XRRA1: variants seen among roughly 807,000 people sequenced by gnomAD.
XRRA1 encodes X-ray radiation resistance associated 1.
In XRRA1, 69 loss-of-function variants were observed where a neutral mutation model predicts 80.2. The ratio of observed to expected loss-of-function variants is 0.86; its 90% CI spans 0.71 to 1.05. The LOEUF (loss-of-function observed/expected upper bound fraction) is 1.05, where lower values mean the gene tolerates loss of function less well. Among genes scored for constraint, XRRA1 ranks in the 50% least tolerant of loss-of-function variants. The pLI is 0.00. For missense variants in XRRA1, 967 were observed against 976.4 expected, an observed-to-expected ratio of 0.99 and a Z score of 0.13; for synonymous variants, 348 against 389.9, an observed-to-expected ratio of 0.89 and a Z score of 1.27.
chr11:74,896,764 A>G (rs964500352), intron 10 of XRRA1, among the ~76,000 whole-genome samples: 1 of 152,220 alleles, frequency 6.6e-6, no homozygotes, highest in Non-Finnish European at 1.5e-5. Flanking sequence ...AAGTAAGGGA[A>G]AAGAACAAGA....
intron 8 of XRRA1, among the ~76,000 whole-genome samples, chr11:74,918,436 A>C (rs542269178): frequency 6.6e-6 from 1 of 152,210 alleles, no homozygotes. Context: ...TCATCCAGCA[A>C]TGGCTACAGT....
intron 13 of XRRA1, 113 bp from the exon 14 acceptor site, chr11:74,851,316 A>C: frequency 1.4e-6 from 1 of 724,452 alleles, no homozygotes. Context: ...ACTTATTCTC[A>C]ACCCTAGGAG....
At chr11:74,851,063 G>T in intron 14 of XRRA1, 25 bp downstream of exon 14, 1 of 1,579,886 alleles carries the variant, frequency 6.3e-7, no homozygotes, top group Non-Finnish European at 8.7e-7. Flanking sequence ...TCCTGGGGGT[G>T]GGAGTCCTGC....
intron 10 of XRRA1, among the ~76,000 whole-genome samples, chr11:74,884,631 C>A (rs1474274007): frequency 6.6e-6 from 1 of 152,188 alleles, no homozygotes; most frequent in East Asian, 1.9e-4. Context: ...GCTATTCTTT[C>A]TTTCACCTAT....
intron 12 of XRRA1, among the ~76,000 whole-genome samples, chr11:74,858,899 A>G (rs893240018): frequency 6.6e-6 from 1 of 152,200 alleles, no homozygotes; most frequent in African/African-American, 2.4e-5. Context: ...AGAGAGGCCA[A>G]GTCTCTTTCC....
At chr11:74,897,107 T>G (rs1297094481) in intron 10 of XRRA1, among the ~76,000 whole-genome samples, 1 of 151,906 alleles carries the variant, frequency 6.6e-6, no homozygotes, top group Non-Finnish European at 1.5e-5. Context: ...TTGAGGAAAC[T>G]CAAAGAAATT....
intron 4 of XRRA1, among the ~76,000 whole-genome samples, chr11:74,936,236 C>G (rs1235611809): frequency 6.6e-6 from 1 of 152,260 alleles, no homozygotes; most frequent in African/African-American, 2.4e-5. Flanking sequence ...GTGAAACTAC[C>G]TGGCTGGTCT....
chr11:74,864,985 G>T (rs190369835), intron 10 of XRRA1, among the ~76,000 whole-genome samples: 1 of 152,116 alleles, frequency 6.6e-6, no homozygotes, highest in Non-Finnish European at 1.5e-5. Flanking sequence ...AATGAGGCTG[G>T]GCTTTCTAGC....
At position 74,859,238 on chromosome 11, in the gene XRRA1, C is replaced by T. The variant is rs865872717; in HGVS notation, c.1090G>A (p.Val364Met). 3.7e-6 allele frequency: 6 copies of T among 1,610,214 alleles called. No individual in the cohort carries two copies. Among genetic ancestry groups the T allele is most frequent in the Middle Eastern group, 1.7e-4 (1 of 6,056 alleles). ...TGGTTCCTGGCCTTCAGTGACTTCA[C>T]AGGAAGGATCTCGAATATGGGAGGA... ...SLPPIFEILP[V>M]KSLKARNQTL... Residue 364 changes from valine (V) to methionine (M), a missense_variant, in exon 12 of 19, where the codon GTG becomes ATG. Transcript: ENST00000684022.
At chr11:74,914,668 T>C (rs1413736605) in intron 8 of XRRA1, among the ~76,000 whole-genome samples, 1 of 152,076 alleles carries the variant, frequency 6.6e-6, no homozygotes, top group Non-Finnish European at 1.5e-5. Context: ...CCATAGCAGA[T>C]TCATTTTTGA....
intron 8 of XRRA1, among the ~76,000 whole-genome samples, chr11:74,908,864 TTAG>T (rs2055221579): frequency 6.6e-6 from 1 of 152,102 alleles, no homozygotes; most frequent in African/African-American, 2.4e-5. Flanking sequence ...TGTAACATAA[TTAG>T]TAGCTATAGG....
chr11:74,882,311 A>G (rs1490268314), intron 10 of XRRA1, among the ~76,000 whole-genome samples: 1 of 151,144 alleles, frequency 6.6e-6, no homozygotes, highest in Non-Finnish European at 1.5e-5. Context: ...TCGGCTCCTG[A>G]GGCTTCTGCA....
chr11:74,945,356 G>C (rs1053428021), intron 1 of XRRA1, among the ~76,000 whole-genome samples: 4 of 152,182 alleles, frequency 2.6e-5, no homozygotes, highest in Admixed American at 6.5e-5. Context: ...GCACAAACCT[G>C]AAAGGACGGG....
At chr11:74,846,463 C>G (rs946642705) in intron 15 of XRRA1, among the ~76,000 whole-genome samples, 3 of 152,074 alleles carry the variant, frequency 2.0e-5, no homozygotes, top group Non-Finnish European at 2.9e-5. Flanking sequence ...GAAATCCAAA[C>G]TAGAGAAAGA....
intron 2 of XRRA1, among the ~76,000 whole-genome samples, chr11:74,944,635 T>C (rs999572872): frequency 2.0e-5 from 3 of 152,228 alleles, no homozygotes; most frequent in African/African-American, 7.2e-5. Flanking sequence ...ATAGCACTTA[T>C]GACTTTATTA....
intron 4 of XRRA1, among the ~76,000 whole-genome samples, chr11:74,936,319 G>A (rs2083080380): frequency 6.6e-6 from 1 of 152,212 alleles, no homozygotes; most frequent in Admixed American, 6.5e-5. Flanking sequence ...AGCTCCCTTG[G>A]CTTTCAGCCA....
At chr11:74,919,138 T>C (rs904513262) in intron 8 of XRRA1, 2 of 152,400 alleles carry the variant, frequency 1.3e-5, no homozygotes, top group African/African-American at 4.8e-5. Flanking sequence ...GGTGATATTT[T>C]AGGTGGAATA....
chr11:74,874,260 AAAG>A (rs1200339124), intron 10 of XRRA1, among the ~76,000 whole-genome samples: 21 of 148,790 alleles, frequency 1.4e-4, no homozygotes, highest in Non-Finnish European at 2.2e-4. Context: ...AAAAAAAAAA[AAAG>A]AAAGAAACTC....
chr11:74,847,450 T>C (rs1009703368), intron 15 of XRRA1, among the ~76,000 whole-genome samples: 2 of 152,206 alleles, frequency 1.3e-5, no homozygotes, highest in East Asian at 3.9e-4. Context: ...CACTAAACAT[T>C]TGTGGTTTCT....
Sources: allele counts gnomAD v4.1 joint callset (sites outside exome capture counted in the v4.1 genomes callset), GRCh38; gene constraint gnomAD v4.1.1; transcripts MANE v1.5; gene names NCBI Gene and HGNC (gene_info 2026-07-23, HGNC 2026-07-21).